The following TRPM3 variants were observed in gnomAD, a reference collection of about 807,000 sequenced individuals.
TRPM3 encodes the protein long transient receptor potential channel 3.
A neutral mutation model predicts 181.2 loss-of-function variants in TRPM3; 77 were observed. The observed-to-expected ratio is 0.42, with a 90% CI of 0.35 to 0.51. The LOEUF is 0.51. Ranked by LOEUF, TRPM3 falls within the 20% of genes least tolerant of loss-of-function variation. The pLI is 0.01. For missense variants in TRPM3, 1,759 were observed against 2,196.7 expected, an observed-to-expected ratio of 0.80 and a Z score of 3.98; for synonymous variants, 745 against 796.4, an observed-to-expected ratio of 0.94 and a Z score of 1.09.
chr9:70,564,721 T>C (rs1341661688), intron 22 of TRPM3, among the ~76,000 whole-genome samples: 1 of 152,166 alleles, frequency 6.6e-6, no homozygotes, highest in Non-Finnish European at 1.5e-5. Context: ...GACATGAGGC[T>C]ACACCACCTC....
intron 1 of TRPM3, among the ~76,000 whole-genome samples, chr9:71,401,292 G>A (rs1312428213): frequency 1.3e-5 from 2 of 152,108 alleles, no homozygotes; most frequent in East Asian, 3.8e-4. Context: ...CACACGTGGG[G>A]TGGAAGGAAG....
chr9:71,163,058 G>A (rs2076355866), intron 1 of TRPM3, among the ~76,000 whole-genome samples: 2 of 152,158 alleles, frequency 1.3e-5, no homozygotes, highest in African/African-American at 2.4e-5. Flanking sequence ...CTAAGCCAAG[G>A]CCGATTTATA....
chr9:71,083,523 T>C (rs1455932467), intron 1 of TRPM3, among the ~76,000 whole-genome samples: 3 of 152,064 alleles, frequency 2.0e-5, no homozygotes, highest in Non-Finnish European at 4.4e-5. Flanking sequence ...AATTTCACAA[T>C]GCTCTGACTA....
rs1297142024 is a variant in TRPM3 at position 70,537,010 on chromosome 9, A to T, written c.4103T>A (p.Ile1368Asn). 5.6e-6 allele frequency: 9 copies of T among 1,610,170 alleles called. No individual in the cohort carries two copies. Among genetic ancestry groups the T allele is most frequent in the Non-Finnish European group, 7.6e-6 (9 of 1,176,728 alleles). ...TAGGCTCAGGGACCTTTCTTTAAAA[A>T]TACTTTCCAACTTTTCTATACCACC... ...DKGGIEKLES[I>N]FKERSLSLHR... The change falls in exon 26 of 26, where the codon ATT (isoleucine) becomes AAT (asparagine). Residue 1368 changes from isoleucine to asparagine, a missense_variant. This residue lies in a region of TRPM3 where 612 missense variants were observed against 590.0 expected (regional missense o/e 1.04). Transcript: ENST00000677713.
chr9:70,884,448 C>A (rs951090454), intron 1 of TRPM3, among the ~76,000 whole-genome samples: 8 of 152,200 alleles, frequency 5.3e-5, no homozygotes, highest in African/African-American at 1.9e-4. Flanking sequence ...TCTGAGAATG[C>A]GCTGACCAGG....
intron 1 of TRPM3, among the ~76,000 whole-genome samples, chr9:71,010,769 T>C (rs1183535281): frequency 6.6e-6 from 1 of 152,162 alleles, no homozygotes; most frequent in Non-Finnish European, 1.5e-5. Context: ...GCAATCCCAT[T>C]ACTGAGTATG....
intron 1 of TRPM3, among the ~76,000 whole-genome samples, chr9:71,008,259 G>T (rs2097700933): frequency 6.6e-6 from 1 of 151,874 alleles, no homozygotes; most frequent in Admixed American, 6.6e-5. Flanking sequence ...CGAGTAACAA[G>T]AATGAAGCAG....
intron 1 of TRPM3, among the ~76,000 whole-genome samples, chr9:71,202,795 A>G (rs1238162818): frequency 2.0e-5 from 3 of 152,318 alleles, no homozygotes; most frequent in South Asian, 2.1e-4. Context: ...TATCTTTATC[A>G]GTAAGCTGAA....
chr9:71,301,427 C>A (rs76962262), intron 1 of TRPM3, among the ~76,000 whole-genome samples: 4,402 of 152,222 alleles, frequency 0.029, 205 homozygotes, highest in African/African-American at 0.1. Context: ...GTATGTATCA[C>A]CATGTTGTGC....
Position 70,625,562 on chromosome 9 carries a change from C to T in TRPM3, c.1633-45G>A, listed in dbSNP as rs369859601. Reference sequence around the variant, plus strand: ...TTAAATAAGAAGATGCAGTAATCGTCGGCAATAATAGAAAATCAAAATATT... The same window carrying T: ...TTAAATAAGAAGATGCAGTAATCGTTGGCAATAATAGAAAATCAAAATATT... On this transcript the variant is annotated intron_variant, in intron 12 of 25. Transcript: ENST00000677713. This position sits in a 1 kb window ranked among gnomAD's most constrained non-coding sequence, Gnocchi z 4.8. The T allele has an allele frequency of 4.5e-5, 71 of 1,574,308 alleles. No homozygotes were observed. The highest frequency in any genetic ancestry group is 5.5e-5 in the Non-Finnish European group (64 of 1,155,210).
At chr9:71,031,013 G>C (rs756391903) in intron 1 of TRPM3, among the ~76,000 whole-genome samples, 24 of 152,018 alleles carry the variant, frequency 1.6e-4, no homozygotes, top group Non-Finnish European at 3.4e-4. Context: ...GTATATTTTA[G>C]CCTTTTCTAG....
intron 18 of TRPM3, among the ~76,000 whole-genome samples, chr9:70,613,613 C>A (rs2062307583): frequency 6.6e-6 from 1 of 152,224 alleles, no homozygotes; most frequent in South Asian, 2.1e-4. Context: ...ACTTTACAGA[C>A]AACTGCTGTC....
At chr9:71,105,725 G>A (rs762811534) in intron 1 of TRPM3, among the ~76,000 whole-genome samples, 55 of 152,176 alleles carry the variant, frequency 3.6e-4, no homozygotes, top group Non-Finnish European at 5.1e-4. Flanking sequence ...GCTAGCCCTA[G>A]GAGAGGCGTT....
In TRPM3 at chr9:70,876,139, T is replaced by C. The variant is rs370667230; in HGVS notation, c.178-11628A>G. Among the ~76,000 whole-genome samples the C allele has an allele frequency of 7.2e-5, 11 of 151,902 alleles. No individual in the cohort carries two copies. In the East Asian group the frequency reaches 1.4e-3, roughly 19 times the overall value. On this transcript the variant is annotated intron_variant, in intron 1 of 25. Coordinates refer to ENST00000677713, the MANE Select transcript of TRPM3 (RefSeq NM_001366145.2). ...AAGGTTATTAGGCTTAGCTTCAAAA[T>C]ATTGTTAATGTCTTTCCTTATGACT...
At chr9:71,048,350 G>T (rs2059696820) in intron 1 of TRPM3, among the ~76,000 whole-genome samples, 1 of 151,100 alleles carries the variant, frequency 6.6e-6, no homozygotes, top group South Asian at 2.1e-4. Context: ...TTATGTCAAA[G>T]AATTCAGTAA....
chr9:71,000,265 A>C (rs1185382979), intron 1 of TRPM3, among the ~76,000 whole-genome samples: 1 of 152,238 alleles, frequency 6.6e-6, no homozygotes, highest in African/African-American at 2.4e-5. Context: ...GGACTTTACA[A>C]TTCAGAACCT....
At chr9:70,680,642 C>T (rs549165805) in intron 9 of TRPM3, among the ~76,000 whole-genome samples, 77 of 152,300 alleles carry the variant, frequency 5.1e-4, no homozygotes, top group African/African-American at 1.8e-3. Flanking sequence ...GGCAAACAAA[C>T]TATGGGGCTA....
chr9:70,890,146 G>T (rs2096174775), intron 1 of TRPM3, among the ~76,000 whole-genome samples: 2 of 149,922 alleles, frequency 1.3e-5, no homozygotes, highest in African/African-American at 4.9e-5. Context: ...TAGCCTCAGA[G>T]AACTAAAGAA....
chr9:70,600,083 A>T (rs2059618752), intron 20 of TRPM3, among the ~76,000 whole-genome samples: 1 of 152,120 alleles, frequency 6.6e-6, no homozygotes, highest in Admixed American at 6.5e-5. Context: ...CCTTACCTTA[A>T]ACTTAGAGGG....
Sources: allele counts gnomAD v4.1 joint callset (sites outside exome capture counted in the v4.1 genomes callset), GRCh38; gene constraint gnomAD v4.1.1; regional missense constraint gnomAD v4.1.1; non-coding constraint Gnocchi (gnomAD v3.1); transcripts MANE v1.5; gene names NCBI Gene and HGNC (gene_info 2026-07-23, HGNC 2026-07-21).